Variants in ARHGAP24 observed in about 807,000 individuals in gnomAD.
The protein encoded by ARHGAP24 is rho GTPase-activating protein 24.
In ARHGAP24, 50 loss-of-function variants were observed where a neutral mutation model predicts 76.4. The observed-to-expected ratio is 0.65, with a 90% confidence interval of 0.52 to 0.83. The LOEUF is 0.83. Ranked by LOEUF, ARHGAP24 falls within the 40% of genes least tolerant of loss-of-function variation. ARHGAP24 has a pLI of 0.00. For synonymous variants in ARHGAP24, 345 were observed against 323.3 expected (o/e 1.07, Z -0.72); for missense variants, 930 against 914.2 (o/e 1.02, Z -0.22).
intron 2 of ARHGAP24, among the ~76,000 whole-genome samples, chr4:85,660,519 C>T (rs180876264): frequency 1.3e-5 from 2 of 152,018 alleles, no homozygotes; most frequent in East Asian, 1.9e-4. Flanking sequence ...AAAATCTGGC[C>T]GAGCACTGTG....
At chr4:85,637,976 G>A (rs1050021655) in intron 2 of ARHGAP24, among the ~76,000 whole-genome samples, 2 of 152,032 alleles carry the variant, frequency 1.3e-5, no homozygotes, top group Non-Finnish European at 2.9e-5. Flanking sequence ...CTTGTCTCCT[G>A]AGCAGAAGCT....
At chr4:85,781,831 C>T (rs1177549763) in intron 3 of ARHGAP24, among the ~76,000 whole-genome samples, 1 of 151,830 alleles carries the variant, frequency 6.6e-6, no homozygotes, top group African/African-American at 2.4e-5. Context: ...GTCAGGAGTT[C>T]GAGGGCAGCC....
intron 1 of ARHGAP24, among the ~76,000 whole-genome samples, chr4:85,564,393 TG>T (rs1323420552): frequency 3.2e-4 from 32 of 99,308 alleles, no homozygotes; most frequent in Admixed American, 1.8e-3. Context: ...GGGCCTGTTG[TG>T]GGGTGGGGGG....
At position 85,519,086 on chromosome 4, in the gene ARHGAP24, A is replaced by G. The variant is rs563254860; in HGVS notation, c.-21+43527A>G. 2.0e-5 allele frequency among the ~76,000 whole-genome samples: 3 copies of G among 152,276 alleles called. No individual in the cohort carries two copies. The South Asian group carries it at 6.2e-4, about 32-fold the overall frequency. On this transcript the variant is annotated intron_variant, in intron 1 of 9. Coordinates refer to ENST00000395184, the MANE Select transcript of ARHGAP24 (RefSeq NM_001025616.3). ...ACATCACTAATGATCAGGAAATGCA[A>G]ATCAAAACCACAATGTGATACCACC...
At chr4:85,635,237 G>A (rs1721278893) in intron 2 of ARHGAP24, among the ~76,000 whole-genome samples, 5 of 151,710 alleles carry the variant, frequency 3.3e-5, no homozygotes, top group Admixed American at 3.3e-4. Context: ...AAAAAGCATG[G>A]TGCCAAACCA....
chr4:85,866,805 C>G (rs937841907), intron 3 of ARHGAP24, among the ~76,000 whole-genome samples: 1 of 152,110 alleles, frequency 6.6e-6, no homozygotes, highest in African/African-American at 2.4e-5. Context: ...ATCACAGTGT[C>G]TGTTCCCAAG....
intron 5 of ARHGAP24, among the ~76,000 whole-genome samples, chr4:85,961,747 T>C (rs1463678547): frequency 6.6e-6 from 1 of 152,058 alleles, no homozygotes; most frequent in African/African-American, 2.4e-5. Context: ...AATATGGCTT[T>C]TAAATGCTGT....
chr4:85,552,069 G>A (rs1476646111), intron 1 of ARHGAP24, among the ~76,000 whole-genome samples: 1 of 151,916 alleles, frequency 6.6e-6, no homozygotes, highest in Non-Finnish European at 1.5e-5. Flanking sequence ...CTAGCTTTTG[G>A]GTTGGTTTGC....
At chr4:85,511,958 G>A (rs1230634700) in intron 1 of ARHGAP24, among the ~76,000 whole-genome samples, 1 of 152,156 alleles carries the variant, frequency 6.6e-6, no homozygotes, top group Non-Finnish European at 1.5e-5. Flanking sequence ...CTCTCCCTGT[G>A]GGTCTCACTG....
chr4:85,992,219 A>G (rs1440065923), intron 8 of ARHGAP24: 19 of 397,096 alleles, frequency 4.8e-5, no homozygotes, highest in Non-Finnish European at 4.4e-6. Flanking sequence ...GTACAGTGGC[A>G]CACACATCAT....
chr4:85,685,356 T>C (rs1166592303), intron 2 of ARHGAP24, among the ~76,000 whole-genome samples: 1 of 151,854 alleles, frequency 6.6e-6, no homozygotes, highest in Non-Finnish European at 1.5e-5. Context: ...AGTGGGGCTG[T>C]GCACGGTGGC....
chr4:85,741,520 C>A (rs1725828033), intron 3 of ARHGAP24, among the ~76,000 whole-genome samples: 1 of 152,016 alleles, frequency 6.6e-6, no homozygotes, highest in African/African-American at 2.4e-5. Flanking sequence ...TTTTTAGATT[C>A]AGTTTTGTTC....
At chr4:85,879,478 A>G (rs1350304951) in intron 3 of ARHGAP24, among the ~76,000 whole-genome samples, 1 of 152,152 alleles carries the variant, frequency 6.6e-6, no homozygotes, top group Non-Finnish European at 1.5e-5. Context: ...TGCAAAATAA[A>G]ATATTTTCAA....
At chr4:85,833,480 T>TG (rs202011438) in intron 3 of ARHGAP24, among the ~76,000 whole-genome samples, 9 of 148,810 alleles carry the variant, frequency 6.0e-5, no homozygotes, top group Non-Finnish European at 8.9e-5. Flanking sequence ...TCCTCTGACC[T>TG]GGGGAAAAAA....
In ARHGAP24 at chr4:85,770,027, CTTTCTTATATTTGGTTGCACTGAAGCTTG is replaced by C. The variant is rs1393533891; in HGVS notation, c.268+48056_268+48084del. ...AAATAAATGTAAGGAAATAGTCCAA[CTTTCTTATATTTGGTTGCACTGAAGCTTG>C]GGATTGGCCAATAGCCCAGCACTGA... On this transcript the variant is annotated intron_variant, in intron 3 of 9. Coordinates refer to ENST00000395184, the MANE Select transcript of ARHGAP24 (RefSeq NM_001025616.3). Among the ~76,000 whole-genome samples, 25 of 152,286 alleles carry C rather than the reference CTTTCTTATATTTGGTTGCACTGAAGCTTG, an allele frequency of 1.6e-4. 1 individual carries two copies. The highest frequency in any genetic ancestry group is 6.8e-3 in the Middle Eastern group (2 of 294).
At chr4:85,590,184 GCCTGCCTGCCTTCCTTCCTTCCTT>G (rs1728028635) in intron 2 of ARHGAP24, among the ~76,000 whole-genome samples, 1 of 108,220 alleles carries the variant, frequency 9.2e-6, no homozygotes. Context: ...CTGCCTGCCT[GCCTGCCTGCCTTCCTTCCTTCCTT>G]CCTTCCTTCC....
chr4:85,645,704 T>G (rs1202690908), intron 2 of ARHGAP24, among the ~76,000 whole-genome samples: 3 of 152,084 alleles, frequency 2.0e-5, no homozygotes, highest in Admixed American at 6.6e-5. Context: ...GAAAACTGAC[T>G]TCCAATAAGC....
intron 3 of ARHGAP24, among the ~76,000 whole-genome samples, chr4:85,747,174 G>T (rs868665602): frequency 1.3e-5 from 2 of 152,060 alleles, no homozygotes; most frequent in African/African-American, 2.4e-5. Flanking sequence ...TTTAAAATAA[G>T]CTCTTTCATT....
intron 1 of ARHGAP24, among the ~76,000 whole-genome samples, chr4:85,509,079 G>T (rs1194714716): frequency 6.6e-6 from 1 of 150,728 alleles, no homozygotes; most frequent in Non-Finnish European, 1.5e-5. Context: ...TAATTTCTCA[G>T]TAAACTATCG....
Sources: gnomAD v4.1 joint callset for allele counts (sites outside exome capture counted in the v4.1 genomes callset) on GRCh38, gnomAD v4.1.1 for gene constraint, MANE v1.5 for transcripts, NCBI Gene and HGNC (gene_info 2026-07-23, HGNC 2026-07-21) for gene names.